LAMA4: variants seen among roughly 807,000 people sequenced by gnomAD.
LAMA4 encodes the protein laminin subunit alpha-4.
A neutral mutation model predicts 207.1 loss-of-function variants in LAMA4; 127 were observed. The observed-to-expected ratio is 0.61, with a 90% CI of 0.53 to 0.71. LAMA4 has a LOEUF of 0.71. Among genes scored for constraint, LAMA4 ranks in the 30% least tolerant of loss-of-function variants. LAMA4 has a pLI of 0.00. For missense variants in LAMA4, 2,093 were observed against 2,246.5 expected (o/e 0.93, Z 1.38); for synonymous variants, 761 against 816.0 (o/e 0.93, Z 1.15).
chr6:112,225,882 C>T (rs1554362241), intron 2 of LAMA4, among the ~76,000 whole-genome samples: 1 of 152,182 alleles, frequency 6.6e-6, no homozygotes, highest in Admixed American at 6.5e-5. Flanking sequence ...ATTGCTGGCA[C>T]ATGGTGATAA....
chr6:112,229,106 G>A (rs1312848547), intron 2 of LAMA4, among the ~76,000 whole-genome samples: 1 of 152,144 alleles, frequency 6.6e-6, no homozygotes, highest in Non-Finnish European at 1.5e-5. Context: ...CAACTAGGAT[G>A]GTTTTAAATC....
In LAMA4 at chr6:112,161,090, C is replaced by A. The variant is rs141390697; in HGVS notation, c.1669-2210G>T. Among the ~76,000 whole-genome samples, 96 of 152,304 alleles carry A rather than the reference C, an allele frequency of 6.3e-4. 2 individuals carry two copies. The highest frequency in any genetic ancestry group is 2.2e-3 in the African/African-American group (91 of 41,562). ...GGTCTCTTACCTCTGCAAATATTTTCCCTTTCTGGAATAATTTTCCTTTAT... is the reference window on the plus strand; with the variant it reads ...GGTCTCTTACCTCTGCAAATATTTTACCTTTCTGGAATAATTTTCCTTTAT... On this transcript the variant is annotated intron_variant, in intron 13 of 38. Coordinates refer to ENST00000230538, the MANE Select transcript of LAMA4 (RefSeq NM_001105206.3).
chr6:112,179,676 C>T, intron 9 of LAMA4: 1 of 218,396 alleles, frequency 4.6e-6, no homozygotes, highest in Non-Finnish European at 9.3e-6. Context: ...TTTTTACACT[C>T]TCCAGGAATA....
intron 38 of LAMA4, among the ~76,000 whole-genome samples, chr6:112,113,113 G>A (rs587627301): frequency 1.3e-5 from 2 of 152,224 alleles, no homozygotes; most frequent in East Asian, 1.9e-4. Context: ...TAGTACAATA[G>A]GGAAATTATA....
chr6:112,239,668 A>C (rs1786236102), intron 2 of LAMA4, among the ~76,000 whole-genome samples: 1 of 152,152 alleles, frequency 6.6e-6, no homozygotes, highest in African/African-American at 2.4e-5. Flanking sequence ...ACCTTTCAGC[A>C]CTACACTTGT....
At chr6:112,206,849 G>A (rs563107178) in intron 4 of LAMA4, among the ~76,000 whole-genome samples, 172 bp downstream of exon 4, 2 of 152,266 alleles carry the variant, frequency 1.3e-5, no homozygotes, top group African/African-American at 4.8e-5. Context: ...AGCATTCCAG[G>A]TGGTGTATTT....
intron 38 of LAMA4, among the ~76,000 whole-genome samples, chr6:112,112,684 G>A (rs587626153): frequency 6.6e-6 from 1 of 152,234 alleles, no homozygotes; most frequent in African/African-American, 2.4e-5. Flanking sequence ...TGCTTTGCGA[G>A]GGTCTCAAAT....
chr6:112,156,090 C>T lies in LAMA4; in HGVS notation c.1818-384G>A, dbSNP rs141235045. On this transcript the variant is annotated intron_variant, in intron 14 of 38. Transcript: ENST00000230538. The stretch of plus-strand genomic sequence containing the variant: ...TGTTATTTCCTTTCTGTAGAGGAAG[C>T]CAAGGCTCTAGGAGAGTATGCAGAG... Among the ~76,000 whole-genome samples, 1,176 of 152,252 alleles carry T rather than the reference C, an allele frequency of 7.7e-3. 9 individuals carry two copies. The highest frequency in any genetic ancestry group is 0.01 in the Non-Finnish European group (686 of 68,006).
chr6:112,171,804 C>G (rs1781732654), intron 12 of LAMA4: 1 of 152,348 alleles, frequency 6.6e-6, no homozygotes, highest in African/African-American at 2.4e-5. Context: ...TACAAGGATT[C>G]TTAGTGAGGG....
chr6:112,210,390 CAT>C (rs1784298476), intron 3 of LAMA4, among the ~76,000 whole-genome samples: 1 of 152,092 alleles, frequency 6.6e-6, no homozygotes. Context: ...ATGAAATTAG[CAT>C]TCTGAACTTT....
intron 2 of LAMA4, among the ~76,000 whole-genome samples, chr6:112,225,558 G>A (rs1554362142): frequency 6.6e-6 from 1 of 152,054 alleles, no homozygotes; most frequent in Non-Finnish European, 1.5e-5. Flanking sequence ...TCGAATCTGA[G>A]GTTTAAATGC....
In LAMA4 at chr6:112,107,949, A is replaced by G. The variant is rs782095833; in HGVS notation, c.*1488T>C. On this transcript the variant is annotated 3_prime_UTR_variant, in exon 39 of 39. Coordinates refer to ENST00000230538, the MANE Select transcript of LAMA4 (RefSeq NM_001105206.3). ...GTGGAATGAACAAATAAAATAATTA[A>G]CTTTAGCTTATCATGGTGGCTGGCA... Among the ~76,000 whole-genome samples the G allele has an allele frequency of 6.6e-5, 10 of 152,126 alleles. No homozygotes were observed. Among genetic ancestry groups the G allele is most frequent in the Non-Finnish European group, 1.3e-4 (9 of 68,006 alleles).
intron 13 of LAMA4, among the ~76,000 whole-genome samples, chr6:112,163,782 T>C (rs1357249280): frequency 6.6e-6 from 1 of 152,162 alleles, no homozygotes; most frequent in African/African-American, 2.4e-5. Flanking sequence ...TTTTTCTTTT[T>C]GATATTTAAA....
chr6:112,233,381 A>C (rs1370512962), intron 2 of LAMA4, among the ~76,000 whole-genome samples: 1 of 152,096 alleles, frequency 6.6e-6, no homozygotes, highest in Non-Finnish European at 1.5e-5. Context: ...TGCATAAACA[A>C]TTTTTTTTGA....
chr6:112,252,319 C>A (rs1008028310), intron 2 of LAMA4, among the ~76,000 whole-genome samples: 2 of 152,144 alleles, frequency 1.3e-5, no homozygotes, highest in Non-Finnish European at 2.9e-5. Context: ...TGCTGTGCTG[C>A]CTTCCTATTA....
intron 2 of LAMA4, chr6:112,253,722 C>A: frequency 6.2e-7 from 1 of 1,609,870 alleles, no homozygotes; most frequent in East Asian, 2.2e-5. Context: ...AACACATGCA[C>A]TCTCACCCCT....
At chr6:112,171,639 A>G (rs1781717977) in intron 12 of LAMA4, 1 of 152,788 alleles carries the variant, frequency 6.5e-6, no homozygotes, top group Admixed American at 6.6e-5. Flanking sequence ...ATTTTGTGTT[A>G]TACTTTTATT....
intron 2 of LAMA4, among the ~76,000 whole-genome samples, chr6:112,223,010 C>T (rs780020660): frequency 7.2e-5 from 11 of 152,076 alleles, no homozygotes; most frequent in Non-Finnish European, 1.2e-4. Flanking sequence ...TATAACATAA[C>T]GAGGCTTCAG....
At chr6:112,183,738 G>C (rs568648625) in intron 9 of LAMA4, among the ~76,000 whole-genome samples, 5 of 151,968 alleles carry the variant, frequency 3.3e-5, no homozygotes, top group Admixed American at 2.0e-4. Context: ...ATCACCTGAG[G>C]TCAAGAGTTT....
Sources: gnomAD v4.1 joint callset for allele counts (sites outside exome capture counted in the v4.1 genomes callset) on GRCh38, gnomAD v4.1.1 for gene constraint, MANE v1.5 for transcripts, NCBI Gene and HGNC (gene_info 2026-07-23, HGNC 2026-07-21) for gene names.